ATF1: variants seen among roughly 807,000 people sequenced by gnomAD.
The protein encoded by ATF1 is cyclic AMP-dependent transcription factor ATF-1.
ATF1 carries 16 observed loss-of-function variants against 34.7 expected under a neutral mutation model. The observed-to-expected ratio is 0.46, with a 90% CI of 0.31 to 0.70. ATF1 has a LOEUF of 0.70. Among genes scored for constraint, ATF1 ranks in the 30% least tolerant of loss-of-function variants. The probability of loss-of-function intolerance (pLI) is 0.05; values close to 1 mark genes in which losing one functional copy is unlikely to be tolerated. For synonymous variants in ATF1, 105 were observed against 113.1 expected (o/e 0.93, Z 0.46); for missense variants, 255 against 321.6 (o/e 0.79, Z 1.58).
chr12:50,784,893 A>G (rs1221639237), intron 2 of ATF1, among the ~76,000 whole-genome samples: 1 of 150,164 alleles, frequency 6.7e-6, no homozygotes, highest in Non-Finnish European at 1.5e-5. Flanking sequence ...TTATTTATTT[A>G]TTTATTATTT....
chr12:50,768,593 C>T (rs1356911257), intron 1 of ATF1, among the ~76,000 whole-genome samples: 3 of 152,148 alleles, frequency 2.0e-5, no homozygotes, highest in African/African-American at 7.2e-5. Flanking sequence ...TTATCATCAT[C>T]ATCTGTCTTT....
At chr12:50,815,587 C>T (rs1407774482) in intron 6 of ATF1, among the ~76,000 whole-genome samples, 1 of 150,874 alleles carries the variant, frequency 6.6e-6, no homozygotes, top group Non-Finnish European at 1.5e-5. Context: ...TGGGGTTTTG[C>T]CATGTTGCTT....
intron 3 of ATF1, among the ~76,000 whole-genome samples, chr12:50,797,872 C>A (rs2139673867): frequency 6.6e-6 from 1 of 152,118 alleles, no homozygotes; most frequent in East Asian, 1.9e-4. Flanking sequence ...CATTTTCAAA[C>A]TGATTTAAGA....
chr12:50,819,755 T>C lies in ATF1; in HGVS notation c.792T>C (p.Asp264=). ...TAGAAGAGTTAAAAACTTTGAAGGA[T>C]CTTTATTCCAATAAAAGTGTTTGAT... The part of the protein sequence containing the change: ...TLIEELKTLK[D]LYSNKSV The change falls in exon 7 of 7, where the codon GAT becomes GAC. Residue 264 remains aspartate, a synonymous_variant. Transcript: ENST00000262053. 6.4e-7 allele frequency: 1 copy of C among 1,567,196 alleles called. No individual in the cohort carries two copies. Among genetic ancestry groups the C allele is most frequent in the Non-Finnish European group, 8.7e-7 (1 of 1,151,832 alleles).
At chr12:50,785,280 TACATACACACACACACACACAC>T (rs1330133006) in intron 2 of ATF1, among the ~76,000 whole-genome samples, 1 of 86,206 alleles carries the variant, frequency 1.2e-5, no homozygotes, top group African/African-American at 4.5e-5. Context: ...ATTATATATA[TACATACACACACACACACACAC>T]ACACACACAC....
chr12:50,789,166 C>T (rs1172889991), intron 2 of ATF1, among the ~76,000 whole-genome samples: 1 of 151,894 alleles, frequency 6.6e-6, no homozygotes, highest in Non-Finnish European at 1.5e-5. Context: ...ACAACTTCCA[C>T]CTCCACTTCC....
chr12:50,791,062 T>G (rs1182364787), intron 2 of ATF1, among the ~76,000 whole-genome samples: 1 of 152,096 alleles, frequency 6.6e-6, no homozygotes, highest in Non-Finnish European at 1.5e-5. Flanking sequence ...GACACAACCT[T>G]GGCATGACAA....
intron 1 of ATF1, among the ~76,000 whole-genome samples, chr12:50,773,444 CTTT>C (rs71086476): frequency 2.2e-5 from 2 of 89,566 alleles, no homozygotes; most frequent in Non-Finnish European, 2.0e-5. Flanking sequence ...AATTGCCATT[CTTT>C]TTTTTTTTTT....
chr12:50,814,425 G>A lies in ATF1; in HGVS notation c.657G>A (p.Arg219=), dbSNP rs151321417. 6.8e-6 allele frequency: 11 copies of A among 1,613,646 alleles called. No homozygotes were observed. The Admixed American group carries it at 1.2e-4, about 17-fold the overall frequency. Reference sequence around the variant, plus strand: ...ACCCCCAATTGAAAAGAGAAATAAGGTTAATGAAAAACAGGTAGGTAGTAA... The same window carrying A: ...ACCCCCAATTGAAAAGAGAAATAAGATTAATGAAAAACAGGTAGGTAGTAA... ...TDDPQLKREI[R]LMKNREAARE... The change falls in exon 6 of 7, where the codon AGG becomes AGA. Residue 219 remains arginine, a synonymous_variant. Transcript: ENST00000262053.
intron 1 of ATF1, among the ~76,000 whole-genome samples, chr12:50,767,744 G>C (rs1940674432): frequency 6.6e-6 from 1 of 152,146 alleles, no homozygotes; most frequent in African/African-American, 2.4e-5. Flanking sequence ...TCATGTCATA[G>C]TTAGCTCTAA....
chr12:50,807,566 T>C lies in ATF1; in HGVS notation c.195-1890T>C, dbSNP rs886158320. Among the ~76,000 whole-genome samples the C allele has an allele frequency of 3.9e-5, 6 of 152,280 alleles. 1 individual carries two copies. Among genetic ancestry groups the C allele is most frequent in the Middle Eastern group, 3.4e-3 (1 of 294 alleles). ...TGGAAGTAGAGGTTTTCAGGAATGTTAGAGAATTTCTCCATGGGCTGGGAA... is the reference window on the plus strand; with the variant it reads ...TGGAAGTAGAGGTTTTCAGGAATGTCAGAGAATTTCTCCATGGGCTGGGAA... On this transcript the variant is annotated intron_variant, in intron 3 of 6. Transcript: ENST00000262053.
intron 2 of ATF1, among the ~76,000 whole-genome samples, chr12:50,791,540 GA>G (rs1479012177): frequency 3.3e-5 from 5 of 150,256 alleles, no homozygotes; most frequent in African/African-American, 1.2e-4. Flanking sequence ...GGGAAGGAGT[GA>G]AACTCAGTCT....
intron 2 of ATF1, among the ~76,000 whole-genome samples, chr12:50,794,860 A>G (rs950095936): frequency 6.6e-6 from 1 of 152,104 alleles, no homozygotes; most frequent in Non-Finnish European, 1.5e-5. Context: ...GCGACGCTAC[A>G]GTGAGCTGTC....
chr12:50,809,426 T>G, intron 3 of ATF1, 30 bp from the exon 4 acceptor site: 1 of 1,478,490 alleles, frequency 6.8e-7, no homozygotes, highest in Non-Finnish European at 9.1e-7. Context: ...ACATTACCAA[T>G]GTTTAATAGA....
At chr12:50,799,609 C>A (rs1224396934) in intron 3 of ATF1, among the ~76,000 whole-genome samples, 1 of 151,830 alleles carries the variant, frequency 6.6e-6, no homozygotes, top group Admixed American at 6.6e-5. Context: ...TTAAACTGTT[C>A]CAACAAGTAA....
intron 1 of ATF1, among the ~76,000 whole-genome samples, chr12:50,770,394 G>A (rs1220487756): frequency 6.6e-6 from 1 of 152,158 alleles, no homozygotes; most frequent in African/African-American, 2.4e-5. Context: ...CCTATGGTAA[G>A]TAAAGAATGT....
chr12:50,816,815 C>T (rs142983975), intron 6 of ATF1, among the ~76,000 whole-genome samples: 28 of 151,996 alleles, frequency 1.8e-4, no homozygotes, highest in African/African-American at 6.3e-4. Context: ...GCCATGATCA[C>T]GCCATTGTAC....
chr12:50,806,411 C>T, intron 3 of ATF1: 1 of 492,160 alleles, frequency 2.0e-6, no homozygotes, highest in Non-Finnish European at 4.2e-6. Context: ...AGGATGCTGA[C>T]AATGGTTCCC....
intron 2 of ATF1, among the ~76,000 whole-genome samples, chr12:50,789,774 A>G (rs1026464820): frequency 1.3e-5 from 2 of 152,072 alleles, no homozygotes; most frequent in African/African-American, 4.8e-5. Context: ...ACCAAAAAAA[A>G]AAGATTGGGG....
Sources: gnomAD v4.1 joint callset for allele counts (sites outside exome capture counted in the v4.1 genomes callset) on GRCh38, gnomAD v4.1.1 for gene constraint, MANE v1.5 for transcripts, NCBI Gene and HGNC (gene_info 2026-07-23, HGNC 2026-07-21) for gene names.